Variants in CNTNAP4 observed in about 807,000 individuals in gnomAD.
CNTNAP4 encodes the protein contactin-associated protein-like 4.
A neutral mutation model predicts 148.4 loss-of-function variants in CNTNAP4; 98 were observed. The ratio of observed to expected loss-of-function variants is 0.66; its 90% CI spans 0.56 to 0.78. The LOEUF (loss-of-function observed/expected upper bound fraction) is 0.78. Ranked by LOEUF, CNTNAP4 falls within the 30% of genes least tolerant of loss-of-function variation. CNTNAP4 has a pLI of 0.00. For missense variants in CNTNAP4, 1,935 were observed against 1,565.6 expected, an observed-to-expected ratio of 1.24 and a Z score of -3.98; for synonymous variants, 730 against 565.1, an observed-to-expected ratio of 1.29 and a Z score of -4.14.
chr16:76,425,835 G>A (rs961810771), intron 3 of CNTNAP4, among the ~76,000 whole-genome samples: 4 of 152,132 alleles, frequency 2.6e-5, no homozygotes, highest in Non-Finnish European at 4.4e-5. Context: ...GTTTGAATAA[G>A]GAGTTTAGAT....
At chr16:76,555,496 C>T (rs1161624737) in intron 23 of CNTNAP4, among the ~76,000 whole-genome samples, 1 of 152,152 alleles carries the variant, frequency 6.6e-6, no homozygotes, top group African/African-American at 2.4e-5. Flanking sequence ...AATTCCTGGT[C>T]AAGCAAGTTG....
chr16:76,478,381 A>G (rs2081671805), intron 11 of CNTNAP4, among the ~76,000 whole-genome samples: 3 of 152,340 alleles, frequency 2.0e-5, no homozygotes, highest in African/African-American at 7.2e-5. Flanking sequence ...TTATATCTCT[A>G]TCAGCATGAT....
intron 1 of CNTNAP4, among the ~76,000 whole-genome samples, chr16:76,301,852 G>C (rs1386200179): frequency 6.6e-6 from 1 of 152,130 alleles, no homozygotes; most frequent in Non-Finnish European, 1.5e-5. Context: ...AAAATGAAGT[G>C]ACAGGTTGGT....
rs189648112 is a variant in CNTNAP4, at chr16:76,320,929, A to C, written c.196+4406A>C. ...AATATATTTACAAGTGTGAGTAGAA[A>C]AATACATATGTACACCTCTTTAAGT... is the stretch of plus-strand genomic sequence containing the variant. On this transcript the variant is annotated intron_variant, in intron 2 of 23. Transcript: ENST00000611870. Among the ~76,000 whole-genome samples the C allele has an allele frequency of 5.0e-3, 757 of 152,306 alleles. 25 individuals carry two copies. The highest frequency in any genetic ancestry group is 7.1e-4 in the Non-Finnish European group (48 of 68,018).
intron 2 of CNTNAP4, among the ~76,000 whole-genome samples, chr16:76,352,154 G>T (rs2011879242): frequency 6.6e-6 from 1 of 152,080 alleles, no homozygotes; most frequent in Non-Finnish European, 1.5e-5. Flanking sequence ...CAAAAAAAAT[G>T]ACAAAAATAC....
intron 1 of CNTNAP4, among the ~76,000 whole-genome samples, chr16:76,281,868 C>T (rs964107123): frequency 2.0e-5 from 3 of 151,768 alleles, no homozygotes; most frequent in Admixed American, 2.0e-4. Context: ...AAATTTTATT[C>T]TTCCACTTAT....
chr16:76,517,525 G>A (rs369133160), intron 15 of CNTNAP4, among the ~76,000 whole-genome samples: 6 of 152,166 alleles, frequency 3.9e-5, no homozygotes, highest in African/African-American at 1.4e-4. Flanking sequence ...TCCTTGCTTC[G>A]GCATTTCTAA....
chr16:76,365,285 G>A (rs2013973598), intron 3 of CNTNAP4, among the ~76,000 whole-genome samples: 3 of 152,152 alleles, frequency 2.0e-5, no homozygotes, highest in African/African-American at 7.2e-5. Flanking sequence ...TAGCCTTGTA[G>A]TATAGTTTGA....
At chr16:76,524,179 C>T (rs191837352) in intron 17 of CNTNAP4, among the ~76,000 whole-genome samples, 1 of 152,090 alleles carries the variant, frequency 6.6e-6, no homozygotes, top group Admixed American at 6.6e-5. Flanking sequence ...TGAATAGCTT[C>T]TATGAGTAAG....
At chr16:76,526,462 A>C (rs1376925828) in intron 17 of CNTNAP4, among the ~76,000 whole-genome samples, 2 of 151,964 alleles carry the variant, frequency 1.3e-5, no homozygotes. Flanking sequence ...TGGATGGAGG[A>C]AATGGAGGGC....
At chr16:76,420,922 C>A (rs1305974057) in intron 3 of CNTNAP4, among the ~76,000 whole-genome samples, 1 of 151,834 alleles carries the variant, frequency 6.6e-6, no homozygotes, top group African/African-American at 2.4e-5. Flanking sequence ...TAGTTATTGT[C>A]CATCTCAATA....
rs1459225636 is a variant in CNTNAP4, at chr16:76,358,377, A to G, written c.390+2866A>G. On this transcript the variant is annotated intron_variant, in intron 3 of 23. Coordinates refer to ENST00000611870, the MANE Select transcript of CNTNAP4 (RefSeq NM_033401.5). The stretch of plus-strand genomic sequence containing the variant: ...GCAACAACAAAATCACTGAAGAGAT[A>G]AGGCATATCAGAGCAAAACAAAGAA... 1.2e-4 allele frequency among the ~76,000 whole-genome samples: 19 copies of G among 152,314 alleles called. No homozygotes were observed. In the South Asian group the frequency reaches 1.5e-3, roughly 12 times the overall value.
intron 1 of CNTNAP4, among the ~76,000 whole-genome samples, chr16:76,285,577 C>T (rs1220796780): frequency 2.0e-5 from 3 of 151,902 alleles, no homozygotes; most frequent in Admixed American, 6.6e-5. Context: ...GTTTCTGTAA[C>T]CATTTTCTTC....
chr16:76,399,215 T>C (rs1597421513), intron 3 of CNTNAP4, among the ~76,000 whole-genome samples: 1 of 152,130 alleles, frequency 6.6e-6, no homozygotes. Context: ...AGCATGAAAA[T>C]AGACTAATAC....
intron 15 of CNTNAP4, among the ~76,000 whole-genome samples, chr16:76,515,275 C>G (rs2083203554): frequency 6.6e-6 from 1 of 152,148 alleles, no homozygotes; most frequent in Admixed American, 6.6e-5. Context: ...GTGTTACGTA[C>G]TAAATTGTTT....
intron 3 of CNTNAP4, among the ~76,000 whole-genome samples, chr16:76,377,250 T>C (rs911027241): frequency 1.3e-5 from 2 of 152,128 alleles, no homozygotes; most frequent in Admixed American, 1.3e-4. Flanking sequence ...TAAATATTAA[T>C]CTCATTTAAA....
Position 76,341,224 on chromosome 16 carries a change from C to T in CNTNAP4, c.197-14094C>T, listed in dbSNP as rs183302501. Among the ~76,000 whole-genome samples, 6 of 152,222 alleles carry T rather than the reference C, an allele frequency of 3.9e-5. No homozygotes were observed. The South Asian group carries it at 1.0e-3, about 26-fold the overall frequency. On this transcript the variant is annotated intron_variant, in intron 2 of 23. Coordinates refer to ENST00000611870, the MANE Select transcript of CNTNAP4 (RefSeq NM_033401.5). ...TGAGAGTCTTTACCTCTTTTCTGTG[C>T]CTCTTAACTTAGGATCTTAAACCTG...
At chr16:76,388,887 G>A (rs914517424) in intron 3 of CNTNAP4, among the ~76,000 whole-genome samples, 1 of 152,120 alleles carries the variant, frequency 6.6e-6, no homozygotes, top group African/African-American at 2.4e-5. Context: ...TTGTAGAATT[G>A]TTCTTTGTGT....
intron 17 of CNTNAP4, among the ~76,000 whole-genome samples, chr16:76,532,188 C>G (rs1020564753): frequency 6.6e-5 from 10 of 152,200 alleles, no homozygotes; most frequent in Non-Finnish European, 1.5e-5. Context: ...AAGTGTTGTT[C>G]AATCCAAAGA....
Sources: allele counts gnomAD v4.1 joint callset (sites outside exome capture counted in the v4.1 genomes callset), GRCh38; gene constraint gnomAD v4.1.1; transcripts MANE v1.5; gene names NCBI Gene and HGNC (gene_info 2026-07-23, HGNC 2026-07-21).